Variants in FKBP9 observed in about 807,000 individuals in gnomAD.
The protein encoded by FKBP9 is FKBP prolyl isomerase 9.
FKBP9 carries 27 observed loss-of-function variants against 55.6 expected under a neutral mutation model. The ratio of observed to expected loss-of-function variants is 0.49; its 90% CI spans 0.36 to 0.67. FKBP9 has a LOEUF of 0.67. Among genes scored for constraint, FKBP9 ranks in the 30% least tolerant of loss-of-function variants. The pLI, the probability that FKBP9 is intolerant of heterozygous loss-of-function variation, is 0.00. For missense variants in FKBP9, 539 were observed against 742.8 expected (o/e 0.73, Z 3.19); for synonymous variants, 267 against 296.5 (o/e 0.90, Z 1.02).
At chr7:32,978,569 G>T (rs1192635324) in intron 4 of FKBP9, among the ~76,000 whole-genome samples, 1 of 151,772 alleles carries the variant, frequency 6.6e-6, no homozygotes, top group Non-Finnish European at 1.5e-5. Flanking sequence ...CGTTACCCAG[G>T]CTTACCTGGA....
At chr7:32,999,683 T>C (rs889382769) in intron 7 of FKBP9, among the ~76,000 whole-genome samples, 1 of 152,136 alleles carries the variant, frequency 6.6e-6, no homozygotes, top group Non-Finnish European at 1.5e-5. Context: ...CAGGGTTAAA[T>C]TAAGTGGCAG....
chr7:32,974,826 T>C, intron 2 of FKBP9, 64 bp downstream of exon 2: 2 of 1,437,398 alleles, frequency 1.4e-6, no homozygotes, highest in Non-Finnish European at 1.9e-6. Context: ...TTTAGGATGT[T>C]AAGTCAAACA....
chr7:32,974,735 A>G lies in FKBP9; in HGVS notation c.340A>G (p.Lys114Glu), dbSNP rs146834780. The change falls in exon 2 of 10, where the codon AAG (lysine) becomes GAG (glutamate). Residue 114 changes from lysine (K) to glutamate (E), a missense_variant. Physicochemically the swap from Lys to Glu is moderately conservative, Grantham distance 56 (BLOSUM62 1). This residue lies in a region of FKBP9 where 236 missense variants were observed against 271.5 expected (regional missense o/e 0.87). Coordinates refer to ENST00000242209, the MANE Select transcript of FKBP9 (RefSeq NM_007270.5). ...NERRFVKIPPKLAYGNEGVSG... is the reference protein window; with the variant it reads ...NERRFVKIPPELAYGNEGVSG... ...GAGACGTTTCGTGAAGATTCCCCCA[A>G]AGCTTGCCTACGGAAATGAAGGAGT... 307 of 1,613,810 alleles carry G rather than the reference A, an allele frequency of 1.9e-4. No homozygotes were observed. In the African/African-American group the frequency reaches 3.7e-3, roughly 19 times the overall value.
chr7:32,981,801 T>TCAGGAGAATGACTTGAACC (rs1784481498), intron 5 of FKBP9, among the ~76,000 whole-genome samples: 1 of 148,414 alleles, frequency 6.7e-6, no homozygotes, highest in African/African-American at 2.5e-5. Context: ...GGAGGCTGAG[T>TCAGGAGAATGACTTGAACC]CAGGAGAATG....
chr7:33,002,640 G>A (rs371577669), intron 8 of FKBP9, 36 bp from the exon 9 acceptor site: 52 of 1,605,300 alleles, frequency 3.2e-5, no homozygotes, highest in Middle Eastern at 1.7e-4. Context: ...GCTGCCTGCC[G>A]GCTGACACCG....
intron 7 of FKBP9, among the ~76,000 whole-genome samples, chr7:32,996,814 G>A (rs111811973): frequency 1.3e-5 from 1 of 78,204 alleles, no homozygotes; most frequent in Non-Finnish European, 2.4e-5. Context: ...TTGAGACGGA[G>A]TCTCGCTCTG....
chr7:32,969,704 G>T (rs182502602), intron 1 of FKBP9, among the ~76,000 whole-genome samples: 1 of 152,112 alleles, frequency 6.6e-6, no homozygotes, highest in Admixed American at 6.6e-5. Flanking sequence ...GCTCTTTAGA[G>T]TCCTTCAAGA....
At chr7:32,992,256 C>G (rs1230991473) in intron 6 of FKBP9, among the ~76,000 whole-genome samples, 1 of 149,584 alleles carries the variant, frequency 6.7e-6, no homozygotes, top group African/African-American at 2.5e-5. Flanking sequence ...AGAAACCCAC[C>G]CCCGCAGAGG....
At chr7:32,962,412 A>C (rs1784044143) in intron 1 of FKBP9, among the ~76,000 whole-genome samples, 1 of 152,172 alleles carries the variant, frequency 6.6e-6, no homozygotes, top group South Asian at 2.1e-4. Context: ...AACTAACTAA[A>C]TAAAAGAATC....
chr7:32,979,470 T>C, intron 4 of FKBP9: 2 of 1,511,716 alleles, frequency 1.3e-6, no homozygotes. Context: ...ATTCCTTGGA[T>C]GGGAAGGAGA....
At chr7:32,985,444 T>G (rs1311108123) in intron 5 of FKBP9, among the ~76,000 whole-genome samples, 1 of 147,126 alleles carries the variant, frequency 6.8e-6, no homozygotes, top group Non-Finnish European at 1.5e-5. Flanking sequence ...CCTCCCAAAG[T>G]GCTGGGATTA....
At chr7:32,965,812 AATATAT>A (rs57598279) in intron 1 of FKBP9, among the ~76,000 whole-genome samples, 5 of 34,942 alleles carry the variant, frequency 1.4e-4, no homozygotes, top group East Asian at 7.5e-4. Flanking sequence ...AAAAAAAAAA[AATATAT>A]ATATATATAT....
chr7:33,005,878 G>C lies in FKBP9; in HGVS notation c.*527G>C, dbSNP rs1411614330. 3.4e-5 allele frequency: 8 copies of C among 233,276 alleles called. No individual in the cohort carries two copies. Among genetic ancestry groups the C allele is most frequent in the Non-Finnish European group, 5.1e-5 (6 of 118,414 alleles). 14.5% of individuals were successfully genotyped at this position (233,276 alleles called of 1,614,324 possible). A position where few individuals can be genotyped will look rare whatever the true frequency, so the allele number is the denominator to read the frequency against. On this transcript the variant is annotated 3_prime_UTR_variant, in exon 10 of 10. Transcript: ENST00000242209. Reference sequence around the variant, plus strand: ...CCCAGCAGCCTGTGCAAATTCTGATGATGGCCCCACCCCCGCACACGCACA... The same window carrying C: ...CCCAGCAGCCTGTGCAAATTCTGATCATGGCCCCACCCCCGCACACGCACA...
intron 6 of FKBP9, among the ~76,000 whole-genome samples, chr7:32,989,995 A>AT (rs543394091): frequency 0.064 from 9,401 of 146,084 alleles, 348 homozygotes; most frequent in East Asian, 0.17. Context: ...TTCAAAAGCA[A>AT]TTTTTTTTTT....
At chr7:32,972,821 C>G (rs1028287080) in intron 1 of FKBP9, among the ~76,000 whole-genome samples, 1 of 152,180 alleles carries the variant, frequency 6.6e-6, no homozygotes, top group Non-Finnish European at 1.5e-5. Flanking sequence ...CTCCCAGGTT[C>G]AAGCAATGCT....
intron 5 of FKBP9, among the ~76,000 whole-genome samples, chr7:32,986,436 C>G (rs1784578469): frequency 6.6e-6 from 1 of 152,212 alleles, no homozygotes; most frequent in South Asian, 2.1e-4. Context: ...AGGTGGGAAC[C>G]TCGGGAGGGT....
chr7:32,997,401 T>TGG (rs547053055), intron 7 of FKBP9, among the ~76,000 whole-genome samples: 8 of 142,470 alleles, frequency 5.6e-5, no homozygotes, highest in Non-Finnish European at 9.2e-5. Context: ...TTTTTAGAGA[T>TGG]GGGGGGGGTC....
chr7:32,965,440 CCTTTT>C (rs1784114314), intron 1 of FKBP9, among the ~76,000 whole-genome samples: 1 of 152,092 alleles, frequency 6.6e-6, no homozygotes, highest in Non-Finnish European at 1.5e-5. Flanking sequence ...TGTCATTTGT[CCTTTT>C]AAAAGCTCGT....
At chr7:32,974,971 A>T in intron 2 of FKBP9, 1 of 636,000 alleles carries the variant, frequency 1.6e-6, no homozygotes, top group Non-Finnish European at 2.7e-6. Flanking sequence ...GTACTGAATG[A>T]TACCCTCAAT....
Sources: gnomAD v4.1 joint callset for allele counts (sites outside exome capture counted in the v4.1 genomes callset) on GRCh38, gnomAD v4.1.1 for gene constraint, gnomAD v4.1.1 regional missense constraint, MANE v1.5 for transcripts, NCBI Gene and HGNC (gene_info 2026-07-23, HGNC 2026-07-21) for gene names.